Variants in BOK observed in about 807,000 individuals in gnomAD.
The protein encoded by BOK is BCL2 family apoptosis regulator BOK.
In BOK, 20 loss-of-function variants were observed where a neutral mutation model predicts 18.3. The observed-to-expected ratio is 1.09, with a 90% CI of 0.77 to 1.59. The LOEUF (loss-of-function observed/expected upper bound fraction) is 1.59, where lower values mean the gene tolerates loss of function less well. BOK is among the 40% of genes most tolerant of loss of function. BOK has a pLI of 0.00. For synonymous variants in BOK, 173 were observed against 142.4 expected, an observed-to-expected ratio of 1.21 and a Z score of -1.53; for missense variants, 348 against 307.9, an observed-to-expected ratio of 1.13 and a Z score of -0.97.
chr2:241,552,698 C>T (rs2066423110), intron 1 of BOK, among the ~76,000 whole-genome samples: 1 of 152,202 alleles, frequency 6.6e-6, no homozygotes, highest in Non-Finnish European at 1.5e-5. Context: ...CACTTTTAAA[C>T]GCTGACACCC....
At position 241,559,666 on chromosome 2, in the gene BOK, A is replaced by G; in HGVS notation, c.183A>G (p.Gly61=). The G allele has an allele frequency of 7.3e-7, 1 of 1,379,200 alleles. No homozygotes were observed. Among genetic ancestry groups the G allele is most frequent in the Non-Finnish European group, 9.3e-7 (1 of 1,075,426 alleles). The allele number at this position is 1,379,200 out of a possible 1,614,324, so 85.4% of individuals were successfully genotyped here. A position where few individuals can be genotyped will look rare whatever the true frequency, so the allele number is the denominator to read the frequency against. The change falls in exon 2 of 5, where the codon GGA becomes GGG. Residue 61 remains glycine (G), a synonymous_variant. Coordinates refer to ENST00000318407, the MANE Select transcript of BOK (RefSeq NM_032515.5). ...SAPERAAPVP[G]RLAEVCAVLL... ...CCGAGCGTGCCGCGCCGGTCCCGGGACGCCTGGCTGAGGTGTGCGCGGTGC... is the reference window on the plus strand; with the variant it reads ...CCGAGCGTGCCGCGCCGGTCCCGGGGCGCCTGGCTGAGGTGTGCGCGGTGC...
intron 3 of BOK, among the ~76,000 whole-genome samples, chr2:241,563,869 G>A (rs1220154865): frequency 1.3e-5 from 2 of 152,236 alleles, no homozygotes; most frequent in Admixed American, 6.5e-5. Flanking sequence ...CGGAGGGCAA[G>A]GGGAAGAGGC....
At chr2:241,563,805 C>T (rs553519174) in intron 3 of BOK, among the ~76,000 whole-genome samples, 7 of 152,356 alleles carry the variant, frequency 4.6e-5, no homozygotes, top group East Asian at 1.9e-4. Flanking sequence ...TCCCACGCCA[C>T]GGGGTGACCC....
intron 2 of BOK, among the ~76,000 whole-genome samples, chr2:241,561,231 GGCCCTGTGGCATTCTCGGCACCATCT>G (rs1469803237): frequency 6.6e-6 from 1 of 152,246 alleles, no homozygotes; most frequent in African/African-American, 2.4e-5. Context: ...CCAATCCCAG[GGCCCTGTGGCATTCTCGGCACCATCT>G]GCCCCGTGCC....
chr2:241,559,658 G>T lies in BOK; in HGVS notation c.175G>T (p.Val59Phe). The change falls in exon 2 of 5, where the codon GTC becomes TTC. Residue 59 changes from valine to phenylalanine, a missense_variant. Transcript: ENST00000318407. The stretch of plus-strand genomic sequence containing the variant: ...GAGCGCGCCCGAGCGTGCCGCGCCG[G>T]TCCCGGGACGCCTGGCTGAGGTGTG... ...SWSAPERAAP[V>F]PGRLAEVCAV... The T allele has an allele frequency of 2.9e-6, 4 of 1,384,716 alleles. No individual in the cohort carries two copies. Among genetic ancestry groups the T allele is most frequent in the South Asian group, 1.7e-5 (1 of 60,128 alleles). The allele number at this position is 1,384,716 out of a possible 1,614,324, so 85.8% of individuals were successfully genotyped here.
chr2:241,566,966 C>T (rs1405644376), intron 3 of BOK, among the ~76,000 whole-genome samples: 2 of 133,288 alleles, frequency 1.5e-5, no homozygotes, highest in Non-Finnish European at 3.2e-5. Flanking sequence ...AAAGATATCC[C>T]ACTTTTAAAA....
chr2:241,559,253 G>A (rs1280799714), intron 1 of BOK, among the ~76,000 whole-genome samples: 1 of 151,734 alleles, frequency 6.6e-6, no homozygotes, highest in African/African-American at 2.4e-5. Context: ...ACCGGTCCCT[G>A]GCAGCCTCGG....
chr2:241,567,802 A>T (rs1268886932), intron 3 of BOK, among the ~76,000 whole-genome samples: 1 of 126,298 alleles, frequency 7.9e-6, no homozygotes, highest in Non-Finnish European at 1.7e-5. Context: ...CGTTAAACTC[A>T]CATGACATAA....
chr2:241,552,563 C>A (rs1054114127), intron 1 of BOK, among the ~76,000 whole-genome samples: 1 of 152,200 alleles, frequency 6.6e-6, no homozygotes, highest in African/African-American at 2.4e-5. Flanking sequence ...CCACCTATGC[C>A]TGAGGCTGCC....
At chr2:241,569,071 CA>C (rs1333478114) in intron 3 of BOK, among the ~76,000 whole-genome samples, 2 of 152,200 alleles carry the variant, frequency 1.3e-5, no homozygotes, top group East Asian at 3.8e-4. Context: ...CTGGGCTTCC[CA>C]CCAAGGTTTA....
intron 3 of BOK, among the ~76,000 whole-genome samples, chr2:241,568,738 C>T (rs1318456338): frequency 6.6e-6 from 1 of 152,246 alleles, no homozygotes; most frequent in African/African-American, 2.4e-5. Flanking sequence ...GGCTGAGTAA[C>T]ATCCACCACA....
Position 241,559,659 on chromosome 2 carries a change from T to G in BOK, c.176T>G (p.Val59Gly), listed in dbSNP as rs1476366897. The change falls in exon 2 of 5, where the codon GTC becomes GGC. Residue 59 changes from valine (V) to glycine (G), a missense_variant. Val to Gly is a moderately radical substitution (Grantham distance 109). Transcript: ENST00000318407. ...AGCGCGCCCGAGCGTGCCGCGCCGG[T>G]CCCGGGACGCCTGGCTGAGGTGTGC... Reference protein sequence around the residue: ...SWSAPERAAPVPGRLAEVCAV... With the variant: ...SWSAPERAAPGPGRLAEVCAV... The G allele has an allele frequency of 5.1e-6, 7 of 1,384,510 alleles. No individual in the cohort carries two copies. In the Admixed American group the frequency reaches 2.2e-4, roughly 43 times the overall value. The allele number at this position is 1,384,510 out of a possible 1,614,324, so 85.8% of individuals were successfully genotyped here. A position where few individuals can be genotyped will look rare whatever the true frequency, so the allele number is the denominator to read the frequency against.
upstream of BOK, among the ~76,000 whole-genome samples, chr2:241,558,054 G>GACAGACACACACACACACAC (rs2066467944): frequency 1.7e-4 from 24 of 143,358 alleles, no homozygotes; most frequent in African/African-American, 5.8e-4. Flanking sequence ...AGAGTTCCGA[G>GACAGACACACACACACACAC]ACACACACAC....
intron 1 of BOK, among the ~76,000 whole-genome samples, chr2:241,553,312 A>G (rs1028539509): frequency 6.6e-6 from 1 of 151,934 alleles, no homozygotes; most frequent in African/African-American, 2.4e-5. Flanking sequence ...TACCACACCC[A>G]GCTAATTTTT....
At chr2:241,559,391 G>C (rs1005925916) in intron 1 of BOK, 64 bp from the exon 2 acceptor site, 5 of 1,082,742 alleles carry the variant, frequency 4.6e-6, no homozygotes, top group Non-Finnish European at 4.8e-6. Flanking sequence ...GCCCAGCCCG[G>C]CGCCCCGCGC....
At chr2:241,568,714 A>G (rs777970797) in intron 3 of BOK, among the ~76,000 whole-genome samples, 30 of 152,236 alleles carry the variant, frequency 2.0e-4, no homozygotes, top group Non-Finnish European at 3.8e-4. Flanking sequence ...CACTGTGCCC[A>G]GCCTGCCTTC....
chr2:241,564,778 G>A (rs544938051), intron 3 of BOK, among the ~76,000 whole-genome samples: 82 of 152,322 alleles, frequency 5.4e-4, no homozygotes, highest in Middle Eastern at 3.4e-3. Context: ...ACGCCGGCGC[G>A]TGGGTGGCCA....
chr2:241,560,354 A>G (rs1415263797), intron 2 of BOK: 2 of 927,850 alleles, frequency 2.2e-6, no homozygotes, highest in Non-Finnish European at 1.3e-6. Context: ...GGGAATGTTT[A>G]TGTGATGCCC....
chr2:241,570,401 G>A (rs2066698509), intron 4 of BOK, 113 bp downstream of exon 4: 10 of 706,188 alleles, frequency 1.4e-5, no homozygotes, highest in Non-Finnish European at 2.1e-5. Context: ...GGGAGAGCTG[G>A]GGTGCGAGGG....
Sources: allele counts gnomAD v4.1 joint callset (sites outside exome capture counted in the v4.1 genomes callset), GRCh38; gene constraint gnomAD v4.1.1; transcripts MANE v1.5; gene names NCBI Gene and HGNC (gene_info 2026-07-23, HGNC 2026-07-21).